Variants in TMEM163 observed in about 807,000 individuals in gnomAD.
TMEM163 encodes the protein transmembrane protein 163.
In TMEM163, 17 loss-of-function variants were observed where a neutral mutation model predicts 29.3. The observed-to-expected ratio is 0.58, with a 90% CI of 0.40 to 0.87. The LOEUF (loss-of-function observed/expected upper bound fraction) is 0.87. Ranked by LOEUF, TMEM163 falls within the 40% of genes least tolerant of loss-of-function variation. The probability of loss-of-function intolerance (pLI) is 0.00; values close to 1 mark genes in which losing one functional copy is unlikely to be tolerated. For missense variants in TMEM163, 303 were observed against 381.5 expected (o/e 0.79, Z 1.71); for synonymous variants, 157 against 160.6 (o/e 0.98, Z 0.17).
At chr2:134,556,364 A>T (rs953651481) in intron 2 of TMEM163, among the ~76,000 whole-genome samples, 1 of 152,262 alleles carries the variant, frequency 6.6e-6, no homozygotes, top group Non-Finnish European at 1.5e-5. Flanking sequence ...AATGCGTAAG[A>T]AATGGAAAAA....
intron 2 of TMEM163, among the ~76,000 whole-genome samples, chr2:134,680,364 A>T (rs531303858): frequency 4.7e-4 from 41 of 86,616 alleles, no homozygotes; most frequent in Non-Finnish European, 3.5e-4. Context: ...TGAGACCTAT[A>T]AAAAAAAAAA....
At chr2:134,642,412 G>T (rs899090179) in intron 2 of TMEM163, among the ~76,000 whole-genome samples, 1 of 151,998 alleles carries the variant, frequency 6.6e-6, no homozygotes, top group East Asian at 1.9e-4. Flanking sequence ...TTACAGGCAC[G>T]AGCCACCGCG....
At chr2:134,521,692 G>T (rs1034496891) in intron 4 of TMEM163, among the ~76,000 whole-genome samples, 1 of 152,192 alleles carries the variant, frequency 6.6e-6, no homozygotes, top group African/African-American at 2.4e-5. Flanking sequence ...GGCTTGTGAA[G>T]GAGCAATGGT....
At chr2:134,668,821 T>C (rs972632063) in intron 2 of TMEM163, among the ~76,000 whole-genome samples, 3 of 151,728 alleles carry the variant, frequency 2.0e-5, no homozygotes, top group Non-Finnish European at 2.9e-5. Flanking sequence ...CATGTATATA[T>C]ATATTTGCAG....
At chr2:134,510,199 G>A (rs563709732) in intron 4 of TMEM163, among the ~76,000 whole-genome samples, 14 of 152,184 alleles carry the variant, frequency 9.2e-5, no homozygotes, top group African/African-American at 2.4e-4. Context: ...AAAGACCATC[G>A]CTCCATGATG....
At chr2:134,631,744 AT>A in intron 2 of TMEM163, among the ~76,000 whole-genome samples, 1 of 152,218 alleles carries the variant, frequency 6.6e-6, no homozygotes. Flanking sequence ...CCAAAGGCAT[AT>A]TTTGAAGAAC....
At chr2:134,682,988 C>T (rs1684279640) in intron 2 of TMEM163, among the ~76,000 whole-genome samples, 1 of 152,080 alleles carries the variant, frequency 6.6e-6, no homozygotes, top group Admixed American at 6.6e-5. Context: ...ACCGTAAACG[C>T]ATATTGCAAA....
chr2:134,472,077 T>C (rs1265042845), intron 5 of TMEM163, among the ~76,000 whole-genome samples: 1 of 152,250 alleles, frequency 6.6e-6, no homozygotes, highest in African/African-American at 2.4e-5. Flanking sequence ...AATTAGCCAC[T>C]CATTCAAAGC....
At chr2:134,628,483 A>G (rs1682900210) in intron 2 of TMEM163, among the ~76,000 whole-genome samples, 1 of 152,236 alleles carries the variant, frequency 6.6e-6, no homozygotes, top group Non-Finnish European at 1.5e-5. Context: ...TATGCCAACA[A>G]TGGGATATAT....
At chr2:134,615,094 G>A (rs112988523) in intron 2 of TMEM163, among the ~76,000 whole-genome samples, 172 of 152,076 alleles carry the variant, frequency 1.1e-3, no homozygotes, top group African/African-American at 3.8e-3. Context: ...TGTACTAAAG[G>A]TCTTCAAAAA....
intron 4 of TMEM163, among the ~76,000 whole-genome samples, chr2:134,535,446 A>G (rs942529802): frequency 6.6e-5 from 10 of 152,198 alleles, no homozygotes; most frequent in Admixed American, 3.3e-4. Flanking sequence ...TCTTCCATGT[A>G]AGCCTGGAGC....
intron 2 of TMEM163, among the ~76,000 whole-genome samples, chr2:134,698,123 C>T (rs1408103910): frequency 2.0e-5 from 3 of 152,206 alleles, no homozygotes; most frequent in South Asian, 2.1e-4. Context: ...GTGTACTCTA[C>T]GATGTTTAAC....
intron 4 of TMEM163, among the ~76,000 whole-genome samples, chr2:134,527,499 C>A (rs545236941): frequency 2.0e-5 from 3 of 152,198 alleles, no homozygotes; most frequent in Non-Finnish European, 4.4e-5. Context: ...CCGCTGCTAT[C>A]GCTGAGGGTT....
chr2:134,588,689 T>C (rs1054387809), intron 2 of TMEM163, among the ~76,000 whole-genome samples: 2 of 152,198 alleles, frequency 1.3e-5, no homozygotes, highest in African/African-American at 4.8e-5. Flanking sequence ...GAGGTATGCA[T>C]GGACCCTGAC....
chr2:134,490,044 T>C (rs1558920382), intron 5 of TMEM163, among the ~76,000 whole-genome samples: 1 of 152,228 alleles, frequency 6.6e-6, no homozygotes, highest in Non-Finnish European at 1.5e-5. Flanking sequence ...TGCCAGGTCC[T>C]ATATTAGGTG....
At position 134,550,524 on chromosome 2, in the gene TMEM163, A is replaced by G. The variant is rs190946775; in HGVS notation, c.458+46T>C. 2.6e-5 allele frequency: 42 copies of G among 1,590,452 alleles called. 1 individual carries two copies. In the East Asian group the frequency reaches 5.1e-4, roughly 19 times the overall value. Reference sequence around the variant, plus strand: ...TTGAGGGCCTCATTCCGTGGCCTTCATCTGCACGGGTTCTTCAGCCTGGAG... The same window carrying G: ...TTGAGGGCCTCATTCCGTGGCCTTCGTCTGCACGGGTTCTTCAGCCTGGAG... On this transcript the variant is annotated intron_variant, in intron 4 of 7. Coordinates refer to ENST00000281924, the MANE Select transcript of TMEM163 (RefSeq NM_030923.5).
intron 4 of TMEM163, among the ~76,000 whole-genome samples, chr2:134,533,011 G>A (rs954353157): frequency 1.3e-5 from 2 of 152,220 alleles, no homozygotes; most frequent in South Asian, 2.1e-4. Flanking sequence ...CACTATGGAC[G>A]TTTAAACTCA....
In TMEM163 at chr2:134,456,668, A is replaced by C; in HGVS notation, c.*48T>G. 6.2e-7 allele frequency: 1 copy of C among 1,603,958 alleles called. No individual in the cohort carries two copies. ...AGTTAAATATTGGCACCCTTTGCCT[A>C]TGTGGAAACTCCTCATCTCGATGGT... On this transcript the variant is annotated 3_prime_UTR_variant, in exon 8 of 8. Coordinates refer to ENST00000281924, the MANE Select transcript of TMEM163 (RefSeq NM_030923.5).
At chr2:134,473,365 G>GTC (rs966065242) in intron 5 of TMEM163, among the ~76,000 whole-genome samples, 32 of 151,754 alleles carry the variant, frequency 2.1e-4, no homozygotes, top group Admixed American at 2.0e-4. Context: ...GGGAAACCCT[G>GTC]TCTCTACTAA....
Sources: gnomAD v4.1 joint callset for allele counts (sites outside exome capture counted in the v4.1 genomes callset) on GRCh38, gnomAD v4.1.1 for gene constraint, MANE v1.5 for transcripts, NCBI Gene and HGNC (gene_info 2026-07-23, HGNC 2026-07-21) for gene names.